ETFA: variants seen among roughly 807,000 people sequenced by gnomAD.
The protein encoded by ETFA is electron transfer flavoprotein subunit alpha.
Under a neutral mutation model 46.2 loss-of-function variants are expected in ETFA, and 22 were observed. That is an observed-to-expected ratio of 0.48 (90% CI 0.34 to 0.68). The LOEUF (loss-of-function observed/expected upper bound fraction) is 0.68. ETFA is among the 30% of genes least tolerant of loss of function. The pLI is 0.01. For missense variants in ETFA, 345 were observed against 401.1 expected, an observed-to-expected ratio of 0.86 and a Z score of 1.19; for synonymous variants, 131 against 139.9, an observed-to-expected ratio of 0.94 and a Z score of 0.45.
intron 9 of ETFA, among the ~76,000 whole-genome samples, chr15:76,264,928 C>A (rs1386806441): frequency 6.6e-6 from 1 of 152,228 alleles, no homozygotes; most frequent in Non-Finnish European, 1.5e-5. Flanking sequence ...GTAAGAAAGG[C>A]AATCACTGGG....
chr15:76,241,670 G>A (rs1405031129), intron 9 of ETFA, among the ~76,000 whole-genome samples: 4 of 151,012 alleles, frequency 2.6e-5, no homozygotes, highest in Non-Finnish European at 5.9e-5. Flanking sequence ...CATGGGGGGC[G>A]GGCCCCTGTA....
At chr15:76,272,222 CTTTT>C (rs561675037) in intron 9 of ETFA, among the ~76,000 whole-genome samples, 2 of 137,310 alleles carry the variant, frequency 1.5e-5, no homozygotes, top group Non-Finnish European at 1.6e-5. Flanking sequence ...TTCTTTCTTT[CTTTT>C]TTTTTTTTTT....
intron 9 of ETFA, among the ~76,000 whole-genome samples, chr15:76,234,335 T>C (rs1290500014): frequency 6.6e-6 from 1 of 152,190 alleles, no homozygotes; most frequent in Non-Finnish European, 1.5e-5. Context: ...CTTAGTCTAA[T>C]TCCTCATGGT....
At chr15:76,272,582 T>C (rs1381016375) in intron 9 of ETFA, among the ~76,000 whole-genome samples, 1 of 152,044 alleles carries the variant, frequency 6.6e-6, no homozygotes, top group Non-Finnish European at 1.5e-5. Flanking sequence ...TTTTATGAAA[T>C]CAGACCTACA....
At chr15:76,243,928 C>G (rs914952700) in intron 9 of ETFA, among the ~76,000 whole-genome samples, 1 of 151,832 alleles carries the variant, frequency 6.6e-6, no homozygotes. Context: ...CTCTTGTTGC[C>G]CAGGCTGGAG....
intron 9 of ETFA, chr15:76,261,101 G>A (rs2039406879): frequency 6.6e-7 from 1 of 1,517,680 alleles, no homozygotes; most frequent in Admixed American, 1.7e-5. Flanking sequence ...GAACTTCACA[G>A]GAAAACATGG....
At chr15:76,259,286 G>A in intron 9 of ETFA, 1 of 1,576,420 alleles carries the variant, frequency 6.3e-7, no homozygotes, top group Admixed American at 1.7e-5. Flanking sequence ...CAGACAGCTG[G>A]CCCAGAATGT....
At chr15:76,238,889 T>C (rs1399132380) in intron 9 of ETFA, among the ~76,000 whole-genome samples, 1 of 152,236 alleles carries the variant, frequency 6.6e-6, no homozygotes, top group African/African-American at 2.4e-5. Flanking sequence ...GCCCGTATTA[T>C]GAAATTCTCA....
At chr15:76,216,620 A>G (rs2038898715) in intron 11 of ETFA, 23 bp from the exon 12 acceptor site, 6 of 1,499,390 alleles carry the variant, frequency 4.0e-6, no homozygotes, top group Non-Finnish European at 5.6e-6. Flanking sequence ...ACAAAAAGTA[A>G]TTAAGCAACT....
At chr15:76,229,773 A>T (rs538088374) in intron 10 of ETFA, among the ~76,000 whole-genome samples, 3 of 152,218 alleles carry the variant, frequency 2.0e-5, no homozygotes, top group Non-Finnish European at 4.4e-5. Flanking sequence ...AAATTAGAAG[A>T]AGTTAAGCCT....
At chr15:76,272,498 G>C (rs2039547309) in intron 9 of ETFA, among the ~76,000 whole-genome samples, 1 of 152,082 alleles carries the variant, frequency 6.6e-6, no homozygotes, top group Admixed American at 6.5e-5. Flanking sequence ...GGGATTACAG[G>C]CTTGAGCCAC....
intron 9 of ETFA, chr15:76,260,756 G>C: frequency 6.2e-7 from 1 of 1,602,364 alleles, no homozygotes; most frequent in Non-Finnish European, 8.5e-7. Flanking sequence ...CTAGACCCTT[G>C]GTCTGAAAGG....
intron 9 of ETFA, chr15:76,261,164 C>T (rs2039407981): frequency 4.6e-6 from 7 of 1,531,676 alleles, no homozygotes; most frequent in Admixed American, 3.3e-5. Flanking sequence ...GGAGCAGGTC[C>T]CCCGATCTTC....
intron 9 of ETFA, among the ~76,000 whole-genome samples, chr15:76,268,241 A>T (rs572220997): frequency 7.7e-4 from 115 of 150,274 alleles, no homozygotes; most frequent in African/African-American, 2.5e-3. Flanking sequence ...TTACTAATGT[A>T]GGGGTGAGGG....
intron 9 of ETFA, chr15:76,260,564 CA>C: frequency 1.3e-6 from 2 of 1,496,376 alleles, no homozygotes; most frequent in Non-Finnish European, 1.8e-6. Context: ...CCCAGCCTGT[CA>C]AATTGGCCCT....
At chr15:76,249,085 T>C (rs944540958) in intron 9 of ETFA, among the ~76,000 whole-genome samples, 5 of 151,716 alleles carry the variant, frequency 3.3e-5, no homozygotes, top group Admixed American at 2.0e-4. Context: ...AAAGCTTTTT[T>C]AAAATTGTGC....
chr15:76,271,909 G>T (rs1244727370), intron 9 of ETFA, among the ~76,000 whole-genome samples: 1 of 124,616 alleles, frequency 8.0e-6, no homozygotes, highest in African/African-American at 3.4e-5. Flanking sequence ...ATATGTGTGT[G>T]TATATACACA....
At chr15:76,293,060 C>A (rs1360547858) in intron 2 of ETFA, among the ~76,000 whole-genome samples, 2 of 152,116 alleles carry the variant, frequency 1.3e-5, no homozygotes, top group Non-Finnish European at 2.9e-5. Flanking sequence ...TGGCTTGAAC[C>A]CAGGAGGCGG....
intron 1 of ETFA, among the ~76,000 whole-genome samples, chr15:76,304,310 G>A (rs2039914395): frequency 6.6e-6 from 1 of 152,058 alleles, no homozygotes; most frequent in Non-Finnish European, 1.5e-5. Flanking sequence ...GTGGGAGCAG[G>A]GTGAGAATCA....
Sources: gnomAD v4.1 joint callset for allele counts (sites outside exome capture counted in the v4.1 genomes callset) on GRCh38, gnomAD v4.1.1 for gene constraint, MANE v1.5 for transcripts, NCBI Gene and HGNC (gene_info 2026-07-23, HGNC 2026-07-21) for gene names.